JADE2: variants seen among roughly 807,000 people sequenced by gnomAD.
The protein encoded by JADE2 is jade family PHD finger 2.
Under a neutral mutation model 85.7 loss-of-function variants are expected in JADE2, and 13 were observed. That is an observed-to-expected ratio of 0.15 (90% CI 0.10 to 0.24). The LOEUF (loss-of-function observed/expected upper bound fraction) is 0.24, where lower values mean the gene tolerates loss of function less well. Among genes scored for constraint, JADE2 ranks in the 10% least tolerant of loss-of-function variants. The pLI, the probability that JADE2 is intolerant of heterozygous loss-of-function variation, is 1.00. For missense variants in JADE2, 846 were observed against 1,115.9 expected, an observed-to-expected ratio of 0.76 and a Z score of 3.45; for synonymous variants, 440 against 456.1, an observed-to-expected ratio of 0.96 and a Z score of 0.45.
chr5:134,570,090 C>G (rs1763898488), intron 9 of JADE2, among the ~76,000 whole-genome samples: 1 of 152,198 alleles, frequency 6.6e-6, no homozygotes, highest in African/African-American at 2.4e-5. Flanking sequence ...GCCCTTGTCC[C>G]TCACTGAGGC....
At chr5:134,567,077 G>A (rs1016837242) in intron 9 of JADE2, among the ~76,000 whole-genome samples, 12 of 152,218 alleles carry the variant, frequency 7.9e-5, no homozygotes, top group Non-Finnish European at 1.2e-4. Context: ...GGCACGTGCC[G>A]GGCCAGGGCA....
chr5:134,524,216 T>G (rs1760678859), upstream of JADE2: 1 of 152,184 alleles, frequency 6.6e-6, no homozygotes, highest in African/African-American at 2.4e-5. Flanking sequence ...GACCCCCGAT[T>G]CCTCCCCAAC....
In JADE2 at chr5:134,566,364, G is replaced by A; in HGVS notation, c.1218G>A (p.Glu406=). 6.2e-7 allele frequency: 1 copy of A among 1,614,078 alleles called. No individual in the cohort carries two copies. Among genetic ancestry groups the A allele is most frequent in the Non-Finnish European group, 8.5e-7 (1 of 1,180,020 alleles). The change falls in exon 9 of 12, where the codon GAG becomes GAA. Residue 406 remains glutamate (E), a synonymous_variant. Transcript: ENST00000681547. The surrounding 1 kb of genome is among the most constrained non-coding windows in gnomAD (Gnocchi z 6.7). The part of the protein sequence containing the change: ...RLQQLEEDFY[E]LVEPAEVAER... Reference sequence around the variant, plus strand: ...AGCAGCTAGAGGAGGACTTCTACGAGCTGGTGGAGCCGGCTGAGGTGGCTG... The same window carrying A: ...AGCAGCTAGAGGAGGACTTCTACGAACTGGTGGAGCCGGCTGAGGTGGCTG...
chr5:134,552,716 AGGCTGGAG>A (rs1762662067), intron 4 of JADE2, among the ~76,000 whole-genome samples: 1 of 152,118 alleles, frequency 6.6e-6, no homozygotes, highest in Non-Finnish European at 1.5e-5. Flanking sequence ...TCTGTCCCCC[AGGCTGGAG>A]TGCAGTGGTG....
chr5:134,552,202 G>T lies in JADE2; in HGVS notation c.304G>T (p.Val102Leu). The T allele has an allele frequency of 1.2e-6, 2 of 1,613,678 alleles. No homozygotes were observed. Among genetic ancestry groups the T allele is most frequent in the Non-Finnish European group, 1.7e-6 (2 of 1,179,670 alleles). Residue 102 changes from valine to leucine, a missense_variant, in exon 4 of 12, where the codon GTG becomes TTG. Physicochemically the swap from Val to Leu is conservative, Grantham distance 32. Coordinates refer to ENST00000681547, the MANE Select transcript of JADE2 (RefSeq NM_001388185.1). Reference sequence around the variant, plus strand: ...CGGGGCAGAGGCCATCCCAGAGCCCGTGGTGAGGTGAGCCAGGCAGCCCAG... The same window carrying T: ...CGGGGCAGAGGCCATCCCAGAGCCCTTGGTGAGGTGAGCCAGGCAGCCCAG... ...PAGAEAIPEP[V>L]VRILPPLEGP...
chr5:134,569,804 A>G (rs890193998), intron 9 of JADE2, among the ~76,000 whole-genome samples: 1 of 152,078 alleles, frequency 6.6e-6, no homozygotes, highest in Non-Finnish European at 1.5e-5. Context: ...ACCAAAGCCA[A>G]CCTTGTCCTG....
rs1198578869 is a variant in JADE2, at chr5:134,576,823, C to T, written c.1608C>T (p.Cys536=). 2.3e-5 allele frequency: 35 copies of T among 1,550,422 alleles called. No homozygotes were observed. The highest frequency in any genetic ancestry group is 3.9e-5 in the Admixed American group (2 of 50,972). ...GKKSDSKRKG[C]EGSKGSTEKK... ...AGAGTGACTCGAAGAGGAAGGGCTG[C>T]GAGGGCTCCAAGGGCAGCACTGAGA... is the stretch of plus-strand genomic sequence containing the variant. The change falls in exon 11 of 12, where the codon TGC becomes TGT. Residue 536 remains cysteine (C), a synonymous_variant. Coordinates refer to ENST00000681547, the MANE Select transcript of JADE2 (RefSeq NM_001388185.1).
intron 4 of JADE2, among the ~76,000 whole-genome samples, chr5:134,555,346 C>T (rs537351625): frequency 5.3e-4 from 81 of 152,338 alleles, no homozygotes; most frequent in African/African-American, 1.9e-3. Flanking sequence ...AGACCCCCTC[C>T]CCTCCCATAG....
In JADE2 at chr5:134,573,633, T is replaced by A. The variant is rs750714692; in HGVS notation, c.1435-12T>A. On this transcript the variant is annotated splice_polypyrimidine_tract_variant and intron_variant, in intron 9 of 11. Coordinates refer to ENST00000681547, the MANE Select transcript of JADE2 (RefSeq NM_001388185.1). ...CTGTGAGTAAGGTGGAAAATCTCTCTTGTTTTCTCAGGTTAGAAATCTGTG... is the reference window on the plus strand; with the variant it reads ...CTGTGAGTAAGGTGGAAAATCTCTCATGTTTTCTCAGGTTAGAAATCTGTG... 1.9e-6 allele frequency: 3 copies of A among 1,600,602 alleles called. No individual in the cohort carries two copies. The highest frequency in any genetic ancestry group is 2.6e-6 in the Non-Finnish European group (3 of 1,167,762).
At chr5:134,564,656 G>A in intron 8 of JADE2, 46 bp downstream of exon 8, 3 of 1,275,038 alleles carry the variant, frequency 2.4e-6, no homozygotes, top group Non-Finnish European at 3.3e-6. Context: ...TGGCTGAGAG[G>A]CATGCTTGGG....
rs201031539 is a variant in JADE2 at position 134,562,407 on chromosome 5, C to T, written c.852+40C>T. The T allele has an allele frequency of 5.6e-4, 886 of 1,569,648 alleles. 2 individuals carry two copies. Among genetic ancestry groups the T allele is most frequent in the Non-Finnish European group, 7.2e-4 (824 of 1,150,448 alleles). On this transcript the variant is annotated intron_variant, in intron 7 of 11. Transcript: ENST00000681547. The surrounding 1 kb of genome is among the most constrained non-coding windows in gnomAD (Gnocchi z 4.6). ...AGGTGAGGCAGCCCAAGGAATAGCC[C>T]GTGGGGAAGTGGGTCTGCATGGGAC...
chr5:134,559,197 G>T (rs563076710), intron 4 of JADE2, among the ~76,000 whole-genome samples: 1 of 152,204 alleles, frequency 6.6e-6, no homozygotes, highest in Non-Finnish European at 1.5e-5. Context: ...ACCCTGGGCC[G>T]CAGCCGTGTA....
intron 10 of JADE2, among the ~76,000 whole-genome samples, 155 bp from the exon 11 acceptor site, chr5:134,576,613 C>T (rs553015093): frequency 6.6e-6 from 1 of 152,310 alleles, no homozygotes; most frequent in African/African-American, 2.4e-5. Flanking sequence ...TGGTCCACCC[C>T]ACCATGCCAG....
intron 1 of JADE2, 94 bp downstream of exon 1, chr5:134,526,105 GCT>G (rs1302959746): frequency 3.0e-6 from 3 of 984,758 alleles, no homozygotes; most frequent in East Asian, 1.1e-4. Context: ...TCGCTCCCTC[GCT>G]CTCTCTTGCT....
rs1203374875 is a variant in JADE2, at chr5:134,535,864, G to A, written c.7G>A (p.Glu3Lys). Residue 3 changes from glutamate to lysine, a missense_variant, in exon 2 of 12, where the codon GAG (glutamate) becomes AAG (lysine). Physicochemically the swap from Glu to Lys is moderately conservative, Grantham distance 56. Around this residue, in one of 9 missense-constraint regions of JADE2, gnomAD observed 47 missense variants for 42.2 expected, o/e 1.11. Transcript: ENST00000681547. ME[E>K]KRRKYSISSD... ...GGCTTGCCTTTTGTTGCAGATGGAA[G>A]AGAAGAGGCGAAAATACTCCATCAG... 6 of 1,613,940 alleles carry A rather than the reference G, an allele frequency of 3.7e-6. No individual in the cohort carries two copies. Among genetic ancestry groups the A allele is most frequent in the East Asian group, 2.2e-5 (1 of 44,898 alleles).
chr5:134,539,310 G>C (rs916693067), intron 3 of JADE2, among the ~76,000 whole-genome samples: 1 of 152,066 alleles, frequency 6.6e-6, no homozygotes, highest in East Asian at 1.9e-4. Context: ...TGATCCGCCC[G>C]CCTTGGCCTC....
intron 1 of JADE2, among the ~76,000 whole-genome samples, chr5:134,527,900 G>T (rs1488907297): frequency 6.6e-6 from 1 of 152,182 alleles, no homozygotes; most frequent in Non-Finnish European, 1.5e-5. Flanking sequence ...GGTCTCTGCA[G>T]ATTTCCAAAC....
chr5:134,534,568 A>G (rs1162114718), intron 1 of JADE2, among the ~76,000 whole-genome samples: 1 of 152,094 alleles, frequency 6.6e-6, no homozygotes, highest in Non-Finnish European at 1.5e-5. Context: ...GTTCACACCC[A>G]CCTTAGAGAG....
chr5:134,552,310 G>A, intron 4 of JADE2, 101 bp downstream of exon 4: 2 of 1,042,270 alleles, frequency 1.9e-6, no homozygotes, highest in East Asian at 2.6e-5. Flanking sequence ...TTCCTTTCTA[G>A]TCCATCTCTA....
Sources: allele counts gnomAD v4.1 joint callset (sites outside exome capture counted in the v4.1 genomes callset), GRCh38; gene constraint gnomAD v4.1.1; regional missense constraint gnomAD v4.1.1; non-coding constraint Gnocchi (gnomAD v3.1); transcripts MANE v1.5; gene names NCBI Gene and HGNC (gene_info 2026-07-23, HGNC 2026-07-21).